Variants in SLC16A9 observed in about 807,000 individuals in gnomAD.
The protein encoded by SLC16A9 is monocarboxylate transporter 9.
In SLC16A9, 26 loss-of-function variants were observed where a neutral mutation model predicts 44.3. The ratio of observed to expected loss-of-function variants is 0.59; its 90% CI spans 0.43 to 0.81. The LOEUF (loss-of-function observed/expected upper bound fraction) is 0.81. SLC16A9 is among the 40% of genes least tolerant of loss of function. The probability of loss-of-function intolerance (pLI) is 0.00; values close to 1 mark genes in which losing one functional copy is unlikely to be tolerated. For missense variants in SLC16A9, 559 were observed against 595.8 expected (o/e 0.94, Z 0.64); for synonymous variants, 230 against 225.1 (o/e 1.02, Z -0.19).
At chr10:59,679,628 G>A (rs1467729844) in intron 2 of SLC16A9, among the ~76,000 whole-genome samples, 1 of 152,180 alleles carries the variant, frequency 6.6e-6, no homozygotes, top group African/African-American at 2.4e-5. Flanking sequence ...AAAGTTAAGT[G>A]ACTATGCACT....
chr10:59,679,800 C>T (rs982051326), intron 2 of SLC16A9, among the ~76,000 whole-genome samples: 1 of 152,188 alleles, frequency 6.6e-6, no homozygotes, highest in Non-Finnish European at 1.5e-5. Context: ...ACAGCCTCTG[C>T]AGTACCAAAT....
intron 1 of SLC16A9, among the ~76,000 whole-genome samples, chr10:59,706,327 G>C (rs1260695121): frequency 6.6e-6 from 1 of 152,016 alleles, no homozygotes; most frequent in Admixed American, 6.6e-5. Context: ...TGTCTGCCAA[G>C]AACCTCCAGA....
At chr10:59,682,617 T>C (rs1840048190) in intron 2 of SLC16A9, among the ~76,000 whole-genome samples, 1 of 152,232 alleles carries the variant, frequency 6.6e-6, no homozygotes, top group Non-Finnish European at 1.5e-5. Flanking sequence ...TGACCCTTGC[T>C]GGAAGCCAAA....
intron 2 of SLC16A9, among the ~76,000 whole-genome samples, chr10:59,680,233 A>G (rs1839958121): frequency 6.6e-6 from 1 of 152,212 alleles, no homozygotes; most frequent in South Asian, 2.1e-4. Context: ...TCAATTATTT[A>G]AGTCTCAAGG....
intron 1 of SLC16A9, among the ~76,000 whole-genome samples, chr10:59,696,948 C>A (rs1370473648): frequency 7.0e-6 from 1 of 143,446 alleles, no homozygotes; most frequent in Non-Finnish European, 1.5e-5. Context: ...GTCAGCCCCC[C>A]GCCCGGCCAG....
intron 3 of SLC16A9, 56 bp from the exon 4 acceptor site, chr10:59,664,378 G>A (rs1839559315): frequency 8.4e-6 from 10 of 1,192,604 alleles, no homozygotes; most frequent in Admixed American, 6.2e-5. Context: ...CAATGCAAGA[G>A]AAAAAAGGAA....
intron 3 of SLC16A9, among the ~76,000 whole-genome samples, chr10:59,666,352 T>C (rs1839617931): frequency 6.6e-6 from 1 of 151,744 alleles, no homozygotes; most frequent in African/African-American, 2.4e-5. Context: ...CCTCTCTTCA[T>C]CTGCATCAGG....
At chr10:59,666,751 TGACA>T (rs1394048462) in intron 3 of SLC16A9, among the ~76,000 whole-genome samples, 1 of 152,142 alleles carries the variant, frequency 6.6e-6, no homozygotes, top group Non-Finnish European at 1.5e-5. Flanking sequence ...AAACAGTGTC[TGACA>T]GACAAACTAC....
In SLC16A9 at chr10:59,654,304, G is replaced by A. The variant is rs748452180; in HGVS notation, c.722C>T (p.Thr241Met). 25 of 1,614,010 alleles carry A rather than the reference G, an allele frequency of 1.5e-5. 1 individual carries two copies. In the East Asian group the frequency reaches 1.8e-4, roughly 12 times the overall value. ...TTGTTTCCAGTCACCATTGGCTAAC[G>A]TGATCCTGCATTTTTCCTCACTACT... ...SYSSEEKCRI[T>M]LANGDWKQDS... The change falls in exon 5 of 6, where the codon ACG (threonine) becomes ATG (methionine). Residue 241 changes from threonine (T) to methionine (M), a missense_variant. Coordinates refer to ENST00000395348, the MANE Select transcript of SLC16A9 (RefSeq NM_194298.3).
At chr10:59,658,242 G>T (rs1259415378) in intron 4 of SLC16A9, among the ~76,000 whole-genome samples, 1 of 151,056 alleles carries the variant, frequency 6.6e-6, no homozygotes, top group Admixed American at 6.6e-5. Context: ...TGCCTTTCCA[G>T]ACCAAGCCAA....
chr10:59,676,816 G>A (rs756234493), intron 2 of SLC16A9, among the ~76,000 whole-genome samples: 3 of 151,562 alleles, frequency 2.0e-5, no homozygotes, highest in Admixed American at 1.3e-4. Context: ...CCAGCTACTC[G>A]GTAGGCTGAG....
intron 4 of SLC16A9, among the ~76,000 whole-genome samples, chr10:59,657,065 A>G (rs572562109): frequency 2.0e-5 from 3 of 152,144 alleles, no homozygotes; most frequent in Non-Finnish European, 4.4e-5. Flanking sequence ...CAAATACTCA[A>G]CTCTGCCCTT....
intron 1 of SLC16A9, among the ~76,000 whole-genome samples, chr10:59,688,578 C>T (rs1219194694): frequency 2.0e-5 from 3 of 151,856 alleles, no homozygotes; most frequent in Non-Finnish European, 2.9e-5. Context: ...CTCTCTGGTA[C>T]CTACTCTATT....
At chr10:59,706,744 G>A (rs181945663) in intron 1 of SLC16A9, among the ~76,000 whole-genome samples, 8 of 152,062 alleles carry the variant, frequency 5.3e-5, no homozygotes, top group African/African-American at 9.6e-5. Context: ...AGGCTGAGGC[G>A]GGTTGATCAC....
chr10:59,684,438 A>G (rs1840089709), intron 1 of SLC16A9, 111 bp from the exon 2 acceptor site: 1 of 507,888 alleles, frequency 2.0e-6, no homozygotes, highest in Non-Finnish European at 3.4e-6. Context: ...TTCTCCAAAG[A>G]CATACATGGA....
chr10:59,672,848 T>G lies in SLC16A9; in HGVS notation c.262A>C (p.Met88Leu), dbSNP rs746572580. ...CTCAACATCAGGCCTCCAGCCACCA[T>G]GAAGCCACTGAAGATTGTGACAGGT... ...ARPVTIFSGF[M>L]VAGGLMLSSF... is the part of the protein sequence containing the mutation. The change falls in exon 3 of 6, where the codon ATG becomes CTG. Residue 88 changes from methionine to leucine, a missense_variant. Met to Leu is a conservative substitution (Grantham distance 15, BLOSUM62 2). Transcript: ENST00000395348. 1 of 1,613,852 alleles carries G rather than the reference T, an allele frequency of 6.2e-7. No homozygotes were observed. The highest frequency in any genetic ancestry group is 8.5e-7 in the Non-Finnish European group (1 of 1,179,838).
intron 3 of SLC16A9, among the ~76,000 whole-genome samples, chr10:59,670,657 T>A (rs1158367466): frequency 6.6e-6 from 1 of 152,204 alleles, no homozygotes; most frequent in Non-Finnish European, 1.5e-5. Context: ...CTTACAAATG[T>A]TACCATTAGA....
chr10:59,657,514 G>C (rs995935627), intron 4 of SLC16A9, among the ~76,000 whole-genome samples: 1 of 152,060 alleles, frequency 6.6e-6, no homozygotes, highest in Non-Finnish European at 1.5e-5. Context: ...CCTTCACCTA[G>C]CTCCCTGTGA....
chr10:59,653,600 AATCTGGACCTCTAT>A (rs1839267514), intron 5 of SLC16A9, 61 bp downstream of exon 5: 1 of 1,273,950 alleles, frequency 7.8e-7, no homozygotes, highest in Admixed American at 2.1e-5. Flanking sequence ...CTACTATTAC[AATCTGGACCTCTAT>A]ATCTGGAGAT....
Sources: allele counts gnomAD v4.1 joint callset (sites outside exome capture counted in the v4.1 genomes callset), GRCh38; gene constraint gnomAD v4.1.1; transcripts MANE v1.5; gene names NCBI Gene and HGNC (gene_info 2026-07-23, HGNC 2026-07-21).